The following SMARCA4 variants were observed in gnomAD, a reference collection of about 807,000 sequenced individuals.
The protein encoded by SMARCA4 is SWI/SNF-related matrix-associated actin-dependent regulator of chromatin subfamily A member 4.
A neutral mutation model predicts 193.9 loss-of-function variants in SMARCA4; 31 were observed. The ratio of observed to expected loss-of-function variants is 0.16; its 90% CI spans 0.12 to 0.22. SMARCA4 has a LOEUF of 0.22. SMARCA4 is among the 10% of genes least tolerant of loss of function. The pLI is 1.00. For synonymous variants in SMARCA4, 942 were observed against 933.1 expected (o/e 1.01, Z -0.17); for missense variants, 1,148 against 2,296.0 (o/e 0.50, Z 10.22).
In SMARCA4 at chr19:11,032,763, C is replaced by G; in HGVS notation, c.3547-527C>G. On this transcript the variant is annotated intron_variant, in intron 25 of 34. Coordinates refer to ENST00000344626, the MANE Select transcript of SMARCA4 (RefSeq NM_003072.5). ...GGGCCACACTCCTGGTGCTTATTCACTCATTCGAGGTATGCAGTAGCCACG... is the reference window on the plus strand; with the variant it reads ...GGGCCACACTCCTGGTGCTTATTCAGTCATTCGAGGTATGCAGTAGCCACG... The G allele has an allele frequency of 1.5e-5, 3 of 205,722 alleles. No individual in the cohort carries two copies. In the East Asian group the frequency reaches 3.4e-4, roughly 23 times the overall value. The allele number at this position is 205,722 out of a possible 1,614,324, so 12.7% of individuals were successfully genotyped here.
At chr19:11,047,376 G>A (rs1028843846) in intron 30 of SMARCA4, among the ~76,000 whole-genome samples, 11 of 151,362 alleles carry the variant, frequency 7.3e-5, no homozygotes, top group Non-Finnish European at 1.5e-4. Flanking sequence ...TTGACACAGA[G>A]CACTGCCAAC....
intron 30 of SMARCA4, among the ~76,000 whole-genome samples, chr19:11,047,307 G>A (rs1427633786): frequency 6.6e-6 from 1 of 152,180 alleles, no homozygotes; most frequent in Non-Finnish European, 1.5e-5. Flanking sequence ...TCCAGACACA[G>A]GGCTTTCCTT....
chr19:10,984,512 C>G lies in SMARCA4; in HGVS notation c.222+139C>G, dbSNP rs575856549. The G allele has an allele frequency of 2.1e-6, 3 of 1,431,256 alleles. No individual in the cohort carries two copies. Among genetic ancestry groups the G allele is most frequent in the Non-Finnish European group, 2.9e-6 (3 of 1,049,072 alleles). The allele number at this position is 1,431,256 out of a possible 1,614,324, so 88.7% of individuals were successfully genotyped here. ...TGTCCTGCCTTGGCTCAGCCCCCTACCCCAGGGCCCACGGCCATGAACAGA... is the reference window on the plus strand; with the variant it reads ...TGTCCTGCCTTGGCTCAGCCCCCTAGCCCAGGGCCCACGGCCATGAACAGA... On this transcript the variant is annotated intron_variant, in intron 2 of 34. Coordinates refer to ENST00000344626, the MANE Select transcript of SMARCA4 (RefSeq NM_003072.5). The surrounding 1 kb of genome is among the most constrained non-coding windows in gnomAD (Gnocchi z 4.3).
chr19:11,035,669 T>G (rs1176688418), intron 29 of SMARCA4, among the ~76,000 whole-genome samples: 1 of 152,228 alleles, frequency 6.6e-6, no homozygotes, highest in Non-Finnish European at 1.5e-5. Flanking sequence ...CAGTTGCTTG[T>G]GGAGCTGACG....
Position 10,986,542 on chromosome 19 carries a change from G to GGCCCTT in SMARCA4, c.713_714insTTGCCC (p.Pro238_Gly239insCysPro). Reference sequence around the variant, plus strand: ...AGGACCCGGCCCTGGCCCTGGCCCTGGCCCCGGCCCGGGTCCCGGCCCGGC... The same window carrying GGCCCTT: ...AGGACCCGGCCCTGGCCCTGGCCCTGGCCCTTGCCCCGGCCCGGGTCCCGGCCCGGC... On this transcript the variant is annotated inframe_insertion, in exon 4 of 35. Coordinates refer to ENST00000344626, the MANE Select transcript of SMARCA4 (RefSeq NM_003072.5). This position sits in a 1 kb window ranked among gnomAD's most constrained non-coding sequence, Gnocchi z 6.7. 1 of 1,540,632 alleles carries GGCCCTT rather than the reference G, an allele frequency of 6.5e-7. No homozygotes were observed. The highest frequency in any genetic ancestry group is 8.7e-7 in the Non-Finnish European group (1 of 1,146,600).
At chr19:11,050,741 T>G (rs2076211936) in intron 30 of SMARCA4, among the ~76,000 whole-genome samples, 1 of 152,224 alleles carries the variant, frequency 6.6e-6, no homozygotes, top group Non-Finnish European at 1.5e-5. Flanking sequence ...GGAGAGGTCA[T>G]CCCAAGGCTT....
chr19:11,024,526 C>T (rs1445289247), intron 21 of SMARCA4, 88 bp downstream of exon 21: 7 of 837,220 alleles, frequency 8.4e-6, no homozygotes, highest in East Asian at 2.5e-5. Flanking sequence ...CTCTGACCAT[C>T]GGGTCATGAT....
At chr19:10,974,236 C>T (rs992067540) in intron 1 of SMARCA4, among the ~76,000 whole-genome samples, 2 of 152,060 alleles carry the variant, frequency 1.3e-5, no homozygotes, top group Admixed American at 6.6e-5. Context: ...CTAGGGGTGG[C>T]GTGAAAGAAG....
chr19:11,009,879 G>A (rs2088651624), intron 14 of SMARCA4, among the ~76,000 whole-genome samples: 1 of 152,016 alleles, frequency 6.6e-6, no homozygotes, highest in Admixed American at 6.6e-5. Context: ...AGTAGAGACG[G>A]GGTTTCACCA....
chr19:11,053,435 G>A (rs1363603731), intron 30 of SMARCA4, among the ~76,000 whole-genome samples: 2 of 141,932 alleles, frequency 1.4e-5, no homozygotes, highest in African/African-American at 5.4e-5. Context: ...CTGGGTGACA[G>A]AGTGAGACTC....
chr19:11,001,417 C>A (rs1475462552), intron 11 of SMARCA4, among the ~76,000 whole-genome samples: 3 of 151,998 alleles, frequency 2.0e-5, no homozygotes, highest in Non-Finnish European at 4.4e-5. Flanking sequence ...TGTGATCACA[C>A]CTGTGAATAA....
At chr19:10,979,976 T>A (rs1047509267) in intron 1 of SMARCA4, among the ~76,000 whole-genome samples, 2 of 152,108 alleles carry the variant, frequency 1.3e-5, no homozygotes, top group African/African-American at 2.4e-5. Context: ...CACACGCTGC[T>A]CCCCTCAGTA....
At chr19:11,059,110 A>T (rs551166064) in intron 32 of SMARCA4, 17 of 191,122 alleles carry the variant, frequency 8.9e-5, no homozygotes, top group East Asian at 2.3e-4. Context: ...CCCTGTCTTT[A>T]AAAAAAAAAA....
At chr19:10,965,913 A>G (rs1177477968) in intron 1 of SMARCA4, among the ~76,000 whole-genome samples, 2 of 148,450 alleles carry the variant, frequency 1.3e-5, no homozygotes, top group East Asian at 2.0e-4. Context: ...GAAGAAAACC[A>G]TGCTTTGAAA....
intron 15 of SMARCA4, 120 bp downstream of exon 15, chr19:11,010,651 G>A: frequency 1.1e-6 from 1 of 940,680 alleles, no homozygotes; most frequent in Non-Finnish European, 1.7e-6. Flanking sequence ...TGTGGGCAAT[G>A]CACTCTTCCC....
At chr19:11,008,847 A>T (rs776547371) in intron 14 of SMARCA4, among the ~76,000 whole-genome samples, 28 of 151,462 alleles carry the variant, frequency 1.8e-4, no homozygotes, top group Non-Finnish European at 3.7e-4. Context: ...GGTGGCGTGC[A>T]CCTGGAGTCC....
chr19:11,001,870 A>G (rs1431735834), intron 11 of SMARCA4, among the ~76,000 whole-genome samples: 1 of 152,220 alleles, frequency 6.6e-6, no homozygotes, highest in Non-Finnish European at 1.5e-5. Flanking sequence ...GAAAATGTTT[A>G]TCCATTGAAT....
At chr19:10,967,875 A>T (rs1461529793) in intron 1 of SMARCA4, among the ~76,000 whole-genome samples, 5 of 142,304 alleles carry the variant, frequency 3.5e-5, no homozygotes, top group Non-Finnish European at 6.1e-5. Flanking sequence ...TTTAATTTTT[A>T]TTTATTTATT....
At chr19:11,028,258 A>G (rs1009472746) in intron 24 of SMARCA4, among the ~76,000 whole-genome samples, 2 of 152,242 alleles carry the variant, frequency 1.3e-5, no homozygotes, top group Admixed American at 6.5e-5. Context: ...ATGTGGACAC[A>G]GGAAAGAAAG....
Sources: gnomAD v4.1 joint callset for allele counts (sites outside exome capture counted in the v4.1 genomes callset) on GRCh38, gnomAD v4.1.1 for gene constraint, Gnocchi (gnomAD v3.1) non-coding constraint, MANE v1.5 for transcripts, NCBI Gene and HGNC (gene_info 2026-07-23, HGNC 2026-07-21) for gene names.